GLIS3: variants seen among roughly 807,000 people sequenced by gnomAD.
GLIS3 encodes GLIS family zinc finger 3.
A neutral mutation model predicts 78.6 loss-of-function variants in GLIS3; 53 were observed. That is an observed-to-expected ratio of 0.67 (90% CI 0.54 to 0.85). The LOEUF (loss-of-function observed/expected upper bound fraction) is 0.85. Ranked by LOEUF, GLIS3 falls within the 40% of genes least tolerant of loss-of-function variation. GLIS3 has a pLI of 0.00. For synonymous variants in GLIS3, 684 were observed against 509.9 expected, an observed-to-expected ratio of 1.34 and a Z score of -4.60; for missense variants, 1,703 against 1,231.1, an observed-to-expected ratio of 1.38 and a Z score of -5.74.
At chr9:4,055,753 A>G (rs944242185) in intron 4 of GLIS3, among the ~76,000 whole-genome samples, 3 of 152,194 alleles carry the variant, frequency 2.0e-5, no homozygotes, top group African/African-American at 7.2e-5. Flanking sequence ...CAACCACAGC[A>G]AGCTGGCTCA....
intron 2 of GLIS3, among the ~76,000 whole-genome samples, chr9:4,162,853 T>TC (rs1491306405): frequency 2.5e-4 from 8 of 31,574 alleles, no homozygotes; most frequent in Non-Finnish European, 3.6e-4. Context: ...TCTCGCTCTG[T>TC]CAAAAAAAAA....
chr9:4,371,630 C>G, the GLIS3 span, among the ~76,000 whole-genome samples: 2 of 152,236 alleles, frequency 1.3e-5, no homozygotes, highest in African/African-American at 4.8e-5. Context: ...AGGTATAGGA[C>G]TACCACTACA....
At chr9:4,184,876 C>T (rs1461649473) in intron 2 of GLIS3, among the ~76,000 whole-genome samples, 2 of 117,178 alleles carry the variant, frequency 1.7e-5, no homozygotes, top group African/African-American at 6.0e-5. Context: ...GAATTATACA[C>T]AAAAGTATTA....
At chr9:3,829,618 C>A (rs149836614) in intron 9 of GLIS3, 126 bp from the exon 10 acceptor site, 22 of 872,764 alleles carry the variant, frequency 2.5e-5, no homozygotes, top group South Asian at 5.8e-5. Context: ...CTTAAGGCCA[C>A]CTGTAGAATC....
chr9:4,111,861 T>G (rs1831240492), intron 4 of GLIS3, among the ~76,000 whole-genome samples: 1 of 152,262 alleles, frequency 6.6e-6, no homozygotes, highest in Non-Finnish European at 1.5e-5. Context: ...TGGTGGTGTT[T>G]CAGCCTCAAG....
intron 4 of GLIS3, chr9:4,305,892 T>G (rs1199889966): frequency 6.6e-6 from 1 of 152,164 alleles, no homozygotes; most frequent in East Asian, 1.9e-4. Context: ...ACCTCTTAAT[T>G]TTTTCATTTG....
the GLIS3 span, among the ~76,000 whole-genome samples, chr9:4,407,702 G>T: frequency 6.6e-6 from 1 of 152,128 alleles, no homozygotes; most frequent in Non-Finnish European, 1.5e-5. Flanking sequence ...CAGAACATTG[G>T]TCTGGGCAAG....
At chr9:3,967,922 T>C (rs543064528) in intron 4 of GLIS3, among the ~76,000 whole-genome samples, 2 of 152,182 alleles carry the variant, frequency 1.3e-5, no homozygotes, top group Non-Finnish European at 2.9e-5. Flanking sequence ...ACTTTGTGCA[T>C]TGTTGTGAGC....
chr9:4,148,993 T>A (rs1834451802), intron 2 of GLIS3, among the ~76,000 whole-genome samples: 1 of 152,108 alleles, frequency 6.6e-6, no homozygotes, highest in Admixed American at 6.5e-5. Context: ...AAGCCCTCCG[T>A]GGAAACAAGA....
chr9:4,277,207 G>C (rs1827109028), intron 2 of GLIS3, among the ~76,000 whole-genome samples: 1 of 152,092 alleles, frequency 6.6e-6, no homozygotes, highest in East Asian at 1.9e-4. Flanking sequence ...TTTTCCCAGA[G>C]ATAAACCTAA....
chr9:3,900,059 T>TAAGA (rs533053893), intron 6 of GLIS3, among the ~76,000 whole-genome samples: 36 of 151,408 alleles, frequency 2.4e-4, no homozygotes, highest in Admixed American at 7.9e-4. Context: ...TGCGGAGAAG[T>TAAGA]AAGAGTCAAG....
intron 4 of GLIS3, among the ~76,000 whole-genome samples, chr9:3,966,297 A>G (rs1189930890): frequency 6.6e-6 from 1 of 152,238 alleles, no homozygotes; most frequent in Admixed American, 6.5e-5. Flanking sequence ...ATGGGACATG[A>G]CTATTGTAAT....
chr9:3,868,349 TTGTCTTCAAAA>T (rs1463708347), intron 8 of GLIS3, among the ~76,000 whole-genome samples: 1 of 150,314 alleles, frequency 6.7e-6, no homozygotes, highest in African/African-American at 2.4e-5. Flanking sequence ...GTTCATCACT[TTGTCTTCAAAA>T]TGGAAGTAAT....
At chr9:4,124,767 A>T (rs1832445462) in intron 3 of GLIS3, among the ~76,000 whole-genome samples, 1 of 152,204 alleles carries the variant, frequency 6.6e-6, no homozygotes, top group Non-Finnish European at 1.5e-5. Flanking sequence ...AGACCTCAGA[A>T]CTGCAAGGCA....
the GLIS3 span, among the ~76,000 whole-genome samples, chr9:4,384,342 GA>G: frequency 0.86 from 128,896 of 149,974 alleles, 55,571 homozygotes; most frequent in Non-Finnish European, 0.9. Context: ...ACCTTCACTG[GA>G]AAAAAAAAAA....
chr9:4,392,178 A>G, the GLIS3 span, among the ~76,000 whole-genome samples: 1 of 151,582 alleles, frequency 6.6e-6, no homozygotes, highest in Non-Finnish European at 1.5e-5. Flanking sequence ...GTTCTCACTC[A>G]TCGCTGAACG....
chr9:4,097,993 T>A (rs1830092509), intron 4 of GLIS3, among the ~76,000 whole-genome samples: 1 of 152,232 alleles, frequency 6.6e-6, no homozygotes, highest in Non-Finnish European at 1.5e-5. Context: ...CAGTTTTACG[T>A]ATATCAGAAA....
chr9:4,235,189 C>G (rs1822608567), intron 2 of GLIS3, among the ~76,000 whole-genome samples: 1 of 151,672 alleles, frequency 6.6e-6, no homozygotes, highest in Non-Finnish European at 1.5e-5. Flanking sequence ...GTTCCAGCTA[C>G]TCCGGAGGCT....
At chr9:4,400,840 G>A in the GLIS3 span, among the ~76,000 whole-genome samples, 4 of 152,140 alleles carry the variant, frequency 2.6e-5, no homozygotes, top group Non-Finnish European at 5.9e-5. Flanking sequence ...CTGCATTGAA[G>A]GGAATGACTC....
Sources: allele counts gnomAD v4.1 joint callset (sites outside exome capture counted in the v4.1 genomes callset), GRCh38; gene constraint gnomAD v4.1.1; transcripts MANE v1.5; gene names NCBI Gene and HGNC (gene_info 2026-07-23, HGNC 2026-07-21).